Variants in SLC9A7 observed in about 807,000 individuals in gnomAD.
SLC9A7 encodes solute carrier family 9 member A7, also known as sodium/hydrogen exchanger 7.
SLC9A7 carries 19 observed loss-of-function variants against 52.6 expected under a neutral mutation model. That is an observed-to-expected ratio of 0.36 (90% CI 0.25 to 0.53). SLC9A7 has a LOEUF of 0.53. Ranked by LOEUF, SLC9A7 falls within the 20% of genes least tolerant of loss-of-function variation. SLC9A7 has a pLI of 0.91. For missense variants in SLC9A7, 455 were observed against 597.9 expected (o/e 0.76, Z 2.49); for synonymous variants, 226 against 252.1 (o/e 0.90, Z 0.98).
At chrX:46,665,468 G>A (rs1323561962) in intron 5 of SLC9A7, among the ~76,000 whole-genome samples, 1 of 103,548 alleles carries the variant, frequency 9.7e-6, no homozygotes, top group Non-Finnish European at 1.9e-5. Flanking sequence ...AGATAATGGA[G>A]TCTAGAAAGA....
chrX:46,722,780 A>G (rs930103464), intron 1 of SLC9A7, among the ~76,000 whole-genome samples: 3 of 112,013 alleles, frequency 2.7e-5, no homozygotes, highest in Non-Finnish European at 5.6e-5. Flanking sequence ...GTGGGCTCCA[A>G]TCAGAGGTAC....
intron 1 of SLC9A7, among the ~76,000 whole-genome samples, chrX:46,697,879 C>T (rs947786197): frequency 3.6e-5 from 4 of 111,754 alleles, no homozygotes; most frequent in African/African-American, 1.3e-4. Flanking sequence ...AAGGAACATC[C>T]CTGAGAAAGA....
chrX:46,654,373 A>G (rs1015304196), intron 7 of SLC9A7, among the ~76,000 whole-genome samples: 5 of 110,204 alleles, frequency 4.5e-5, no homozygotes, highest in African/African-American at 1.7e-4. Flanking sequence ...ACAGAGTGAG[A>G]CTCCGTCAAA....
intron 1 of SLC9A7, among the ~76,000 whole-genome samples, chrX:46,757,987 TA>T (rs1336711759): frequency 4.5e-5 from 5 of 111,653 alleles, no homozygotes; most frequent in Middle Eastern, 4.2e-3. Flanking sequence ...CACTCCCTGT[TA>T]CCGTCTTAGG....
intron 15 of SLC9A7, among the ~76,000 whole-genome samples, chrX:46,615,444 A>G (rs1319978884): frequency 9.1e-6 from 1 of 109,683 alleles, no homozygotes; most frequent in East Asian, 2.9e-4. Context: ...AAGAGACCCT[A>G]CAGGCCTGTC....
Position 46,609,690 on chromosome X carries a change from ACT to A in SLC9A7, c.1930-2489_1930-2488del, listed in dbSNP as rs1451479633. Among the ~76,000 whole-genome samples the A allele has an allele frequency of 5.5e-5, 6 of 109,280 alleles. No homozygotes were observed. The Admixed American group carries it at 5.9e-4, about 11-fold the overall frequency. The allele number at this position is 109,280 out of a possible 115,157, so 94.9% of individuals were successfully genotyped here. ...ACTCCCACCTGGGTGACAGAGCAAGACTCTGTCTCAAAAAACAAAACAAAACA... is the reference window on the plus strand; with the variant it reads ...ACTCCCACCTGGGTGACAGAGCAAGACTGTCTCAAAAAACAAAACAAAACA... On this transcript the variant is annotated intron_variant, in intron 16 of 16. Coordinates refer to ENST00000616978, the MANE Select transcript of SLC9A7 (RefSeq NM_001257291.2).
At chrX:46,635,534 A>G (rs1421474586) in intron 13 of SLC9A7, 55 bp downstream of exon 13, 2 of 942,274 alleles carry the variant, frequency 2.1e-6, no homozygotes, top group African/African-American at 3.8e-5. Flanking sequence ...CTGAGGTTAG[A>G]AAGAGGAGAA....
At chrX:46,651,254 C>A in intron 9 of SLC9A7, 31 bp from the exon 10 acceptor site, 1 of 1,166,639 alleles carries the variant, frequency 8.6e-7, no homozygotes, top group Non-Finnish European at 1.2e-6. Flanking sequence ...GAAGCTGTAA[C>A]CCTGCAGTTC....
chrX:46,651,050 T>C, intron 10 of SLC9A7, 60 bp downstream of exon 10: 1 of 595,228 alleles, frequency 1.7e-6, no homozygotes. Context: ...ATTATTACTA[T>C]AGCTTCTCCA....
intron 1 of SLC9A7, among the ~76,000 whole-genome samples, chrX:46,690,660 G>T (rs1327988253): frequency 2.7e-5 from 3 of 111,180 alleles, no homozygotes; most frequent in African/African-American, 9.8e-5. Flanking sequence ...TGTGGCTCTG[G>T]TATCATATCT....
At chrX:46,698,046 T>C (rs7061272) in intron 1 of SLC9A7, among the ~76,000 whole-genome samples, 5,205 of 111,518 alleles carry the variant, frequency 0.047, 297 homozygotes, top group African/African-American at 0.16. Flanking sequence ...TTGGTCAGAC[T>C]GGTTGATCTC....
chrX:46,645,666 G>A (rs1345803858), intron 11 of SLC9A7, among the ~76,000 whole-genome samples: 1 of 83,442 alleles, frequency 1.2e-5, no homozygotes, highest in Admixed American at 1.6e-4. Flanking sequence ...ATACTGATTT[G>A]GAAAAAAGAT....
chrX:46,669,471 T>C, intron 5 of SLC9A7, 136 bp downstream of exon 5: 1 of 404,122 alleles, frequency 2.5e-6, no homozygotes, highest in East Asian at 4.4e-5. Context: ...TATTGGTCAC[T>C]TCTTCCACCA....
intron 15 of SLC9A7, among the ~76,000 whole-genome samples, chrX:46,616,909 C>T (rs1009614445): frequency 9.0e-5 from 10 of 111,585 alleles, no homozygotes; most frequent in Middle Eastern, 4.2e-3. Context: ...GGAATGCCCC[C>T]GAACGTGTCC....
intron 1 of SLC9A7, among the ~76,000 whole-genome samples, chrX:46,734,558 C>T (rs1183121306): frequency 9.0e-6 from 1 of 111,461 alleles, no homozygotes; most frequent in Admixed American, 9.5e-5. Context: ...ATGTTCATTA[C>T]TTTTGTTCCT....
At chrX:46,711,918 A>ACACACG (rs1944696104) in intron 1 of SLC9A7, among the ~76,000 whole-genome samples, 1 of 109,635 alleles carries the variant, frequency 9.1e-6, no homozygotes, top group South Asian at 4.0e-4. Context: ...ACACACACAC[A>ACACACG]CACACACACA....
At chrX:46,662,764 G>C in intron 5 of SLC9A7, 121 bp from the exon 6 acceptor site, 2 of 482,342 alleles carry the variant, frequency 4.1e-6, no homozygotes, top group Non-Finnish European at 7.1e-6. Flanking sequence ...AGATAGCAAG[G>C]GAGTCAAAGA....
chrX:46,672,402 G>A lies in SLC9A7; in HGVS notation c.680+149C>T, dbSNP rs1286211026. 2.3e-5 allele frequency: 8 copies of A among 351,787 alleles called. No homozygotes were observed. In the East Asian group the frequency reaches 2.6e-4, roughly 11 times the overall value. 29.0% of individuals were successfully genotyped at this position (351,787 alleles called of 1,213,427 possible). ...TTGATCTTAATTTAAATAGCCACAC[G>A]TGGCTAATAGCTACCATACTGAACG... On this transcript the variant is annotated intron_variant, in intron 4 of 16. Transcript: ENST00000616978.
In SLC9A7 at chrX:46,704,285, C is replaced by T. The variant is rs964911393; in HGVS notation, c.326-21750G>A. On this transcript the variant is annotated intron_variant, in intron 1 of 16. Transcript: ENST00000616978. ...CCCAGCACAATGTCTGGAATGTGGT[C>T]GTCACTCAACAGATGTTTGCTGAAA... 8.0e-5 allele frequency among the ~76,000 whole-genome samples: 9 copies of T among 112,137 alleles called. No homozygotes were observed. The South Asian group carries it at 1.1e-3, about 14-fold the overall frequency.
Sources: allele counts gnomAD v4.1 joint callset (sites outside exome capture counted in the v4.1 genomes callset), GRCh38; gene constraint gnomAD v4.1.1; transcripts MANE v1.5; gene names NCBI Gene and HGNC (gene_info 2026-07-23, HGNC 2026-07-21).